Variants in LRAT observed in about 807,000 individuals in gnomAD.
LRAT encodes the protein lecithin retinol acyltransferase (phosphatidylcholine--retinol O-acyltransferase).
LRAT carries 11 observed loss-of-function variants against 14.2 expected under a neutral mutation model. That is an observed-to-expected ratio of 0.78 (90% CI 0.49 to 1.29). LRAT has a LOEUF of 1.29. Ranked by LOEUF, LRAT falls within the 50% of genes most tolerant of loss-of-function variation. LRAT has a pLI of 0.00. For synonymous variants in LRAT, 144 were observed against 124.8 expected, an observed-to-expected ratio of 1.15 and a Z score of -1.03; for missense variants, 274 against 292.4, an observed-to-expected ratio of 0.94 and a Z score of 0.46.
rs886059161 is a variant in LRAT at position 154,744,229 on chromosome 4, A to C, written c.-2+7A>C. 194 of 1,258,280 alleles carry C rather than the reference A, an allele frequency of 1.5e-4. No individual in the cohort carries two copies. Among genetic ancestry groups the C allele is most frequent in the Non-Finnish European group, 4.3e-5 (37 of 868,736 alleles). The allele number at this position is 1,258,280 out of a possible 1,614,324, so 77.9% of individuals were successfully genotyped here. A position where few individuals can be genotyped will look rare whatever the true frequency, so the allele number is the denominator to read the frequency against. On this transcript the variant is annotated splice_region_variant and intron_variant, in intron 1 of 2. Coordinates refer to ENST00000336356, the MANE Select transcript of LRAT (RefSeq NM_004744.5). The stretch of plus-strand genomic sequence containing the variant: ...TACCTCACCTGGCCTGCAGGTGAGC[A>C]GCAGCGCAGCACCCCTGCCCGGCGA...
chr4:154,742,950 G>T (rs189949748), upstream of LRAT, among the ~76,000 whole-genome samples: 45 of 152,300 alleles, frequency 3.0e-4, no homozygotes, highest in African/African-American at 1.1e-3. Context: ...TGAAGCCGGA[G>T]AAATAAACTT....
At position 154,744,137 on chromosome 4, in the gene LRAT, A is replaced by C. The variant is rs1356654938; in HGVS notation, c.-87A>C. 4.8e-6 allele frequency: 3 copies of C among 626,608 alleles called. No homozygotes were observed. The African/African-American group carries it at 5.5e-5, about 11-fold the overall frequency. The allele number at this position is 626,608 out of a possible 1,614,324, so 38.8% of individuals were successfully genotyped here. ...CTCATTCCCCATTGTGGCTTGGCTG[A>C]GCCGGTCGCCAGGCCTCGCTGTCCT... On this transcript the variant is annotated 5_prime_UTR_variant, in exon 1 of 3. Transcript: ENST00000336356.
At chr4:154,746,156 CTTG>C (rs2111035223) in intron 2 of LRAT, among the ~76,000 whole-genome samples, 1 of 152,252 alleles carries the variant, frequency 6.6e-6, no homozygotes, top group Non-Finnish European at 1.5e-5. Context: ...CTTCATTGCA[CTTG>C]TTAAAGAAGT....
At chr4:154,743,979 C>G (rs1026550436), upstream of LRAT, 1 of 244,778 alleles carries the variant, frequency 4.1e-6, no homozygotes, top group Non-Finnish European at 8.0e-6. Flanking sequence ...CATAAAAAGT[C>G]GCAGCGAAGC....
rs1733003429 is a variant in LRAT, at chr4:154,751,807, G to A, written c.*2671G>A. 1 of 148,950 alleles carries A rather than the reference G, an allele frequency of 6.7e-6. No individual in the cohort carries two copies. Among genetic ancestry groups the A allele is most frequent in the Non-Finnish European group, 1.5e-5 (1 of 67,582 alleles). 9.2% of individuals were successfully genotyped at this position (148,950 alleles called of 1,614,324 possible). On this transcript the variant is annotated 3_prime_UTR_variant, in exon 3 of 3. Coordinates refer to ENST00000336356, the MANE Select transcript of LRAT (RefSeq NM_004744.5). ...CCATTAATGTGTCTCGTAACTTGAG[G>A]AAGTTCATGAATTCTCTGGGCTTCA...
Position 154,750,211 on chromosome 4 carries a change from A to G in LRAT, c.*1075A>G, listed in dbSNP as rs1732964777. 6.6e-6 allele frequency: 1 copy of G among 152,116 alleles called. No individual in the cohort carries two copies. Among genetic ancestry groups the G allele is most frequent in the African/African-American group, 2.4e-5 (1 of 41,444 alleles). 9.4% of individuals were successfully genotyped at this position (152,116 alleles called of 1,614,324 possible). On this transcript the variant is annotated 3_prime_UTR_variant, in exon 3 of 3. Coordinates refer to ENST00000336356, the MANE Select transcript of LRAT (RefSeq NM_004744.5). ...ACTTTTTTCCATATCATTTCTAATT[A>G]TAGTTTATATCCTTAAAAGAAGGAT...
At chr4:154,748,532 G>A (rs1732925481) in intron 2 of LRAT, 1 of 343,042 alleles carries the variant, frequency 2.9e-6, no homozygotes, top group African/African-American at 2.2e-5. Flanking sequence ...TTATAAAAAA[G>A]TTATCATTGG....
chr4:154,741,819 T>C (rs1732773269), upstream of LRAT, among the ~76,000 whole-genome samples: 1 of 152,340 alleles, frequency 6.6e-6, no homozygotes, highest in South Asian at 2.1e-4. Flanking sequence ...AGAATTCATA[T>C]ATATGTATAT....
At position 154,750,022 on chromosome 4, in the gene LRAT, T is replaced by C. The variant is rs1363721314; in HGVS notation, c.*886T>C. The C allele has an allele frequency of 6.6e-6, 1 of 152,202 alleles. No homozygotes were observed. Among genetic ancestry groups the C allele is most frequent in the Non-Finnish European group, 1.5e-5 (1 of 68,004 alleles). 9.4% of individuals were successfully genotyped at this position (152,202 alleles called of 1,614,324 possible). Reference sequence around the variant, plus strand: ...TATCATCATACTAGTGTGTTCATTATAGAGTATCTGTAGAGGTGAATGTAA... The same window carrying C: ...TATCATCATACTAGTGTGTTCATTACAGAGTATCTGTAGAGGTGAATGTAA... On this transcript the variant is annotated 3_prime_UTR_variant, in exon 3 of 3. Coordinates refer to ENST00000336356, the MANE Select transcript of LRAT (RefSeq NM_004744.5).
chr4:154,746,822 G>C (rs1732891996), intron 2 of LRAT, among the ~76,000 whole-genome samples: 1 of 152,288 alleles, frequency 6.6e-6, no homozygotes, highest in East Asian at 1.9e-4. Flanking sequence ...CAGAAGTAGA[G>C]AAGTGTTTTA....
chr4:154,749,706 T>C lies in LRAT; in HGVS notation c.*570T>C, dbSNP rs1732952074. The C allele has an allele frequency of 6.6e-6, 1 of 152,606 alleles. No homozygotes were observed. The highest frequency in any genetic ancestry group is 1.5e-5 in the Non-Finnish European group (1 of 68,382). The allele number at this position is 152,606 out of a possible 1,614,324, so 9.5% of individuals were successfully genotyped here. ...ATTATGTGAAACCAATATTGGCAAA[T>C]AGTACTTTAATGATGAAGTAAATGA... On this transcript the variant is annotated 3_prime_UTR_variant, in exon 3 of 3. Transcript: ENST00000336356.
chr4:154,744,035 C>T lies in LRAT; in HGVS notation c.-189C>T, dbSNP rs938029402. The T allele has an allele frequency of 5.7e-5, 27 of 474,338 alleles. No homozygotes were observed. The highest frequency in any genetic ancestry group is 2.9e-4 in the African/African-American group (15 of 51,024). The allele number at this position is 474,338 out of a possible 1,614,324, so 29.4% of individuals were successfully genotyped here. A position where few individuals can be genotyped will look rare whatever the true frequency, so the allele number is the denominator to read the frequency against. On this transcript the variant is annotated 5_prime_UTR_variant, in exon 1 of 3. Coordinates refer to ENST00000336356, the MANE Select transcript of LRAT (RefSeq NM_004744.5). ...CGCGGCCCTGCCCCCGGCACGGCCC[C>T]CAGGTGCGCTCCTTCTCCGGCTGCT... is the stretch of plus-strand genomic sequence containing the variant.
chr4:154,749,724 G>A lies in LRAT; in HGVS notation c.*588G>A. On this transcript the variant is annotated 3_prime_UTR_variant, in exon 3 of 3. Coordinates refer to ENST00000336356, the MANE Select transcript of LRAT (RefSeq NM_004744.5). ...TGGCAAATAGTACTTTAATGATGAA[G>A]TAAATGACCAGAAATTATAGAAATC... 1 of 152,300 alleles carries A rather than the reference G, an allele frequency of 6.6e-6. No homozygotes were observed. The highest frequency in any genetic ancestry group is 1.5e-5 in the Non-Finnish European group (1 of 68,188). 9.4% of individuals were successfully genotyped at this position (152,300 alleles called of 1,614,324 possible).
intron 2 of LRAT, among the ~76,000 whole-genome samples, chr4:154,746,708 C>T (rs1177446028): frequency 6.6e-6 from 1 of 152,164 alleles, no homozygotes; most frequent in Non-Finnish European, 1.5e-5. Flanking sequence ...TATATTTCTA[C>T]AGAAAAACAG....
chr4:154,744,498 C>A lies in LRAT; in HGVS notation c.172C>A (p.Leu58Met). ...CGTGCTGGAGGTGCCCCGGACCCAC[C>A]TGACCCACTATGGCATCTACCTAGG... ...GDVLEVPRTHLTHYGIYLGDN... is the reference protein window; with the variant it reads ...GDVLEVPRTHMTHYGIYLGDN... Residue 58 changes from leucine (L) to methionine (M), a missense_variant, in exon 2 of 3, where the codon CTG becomes ATG. By Grantham distance (15) the Leu-to-Met change is conservative. Coordinates refer to ENST00000336356, the MANE Select transcript of LRAT (RefSeq NM_004744.5). 1 of 1,614,142 alleles carries A rather than the reference C, an allele frequency of 6.2e-7. No homozygotes were observed.
In LRAT at chr4:154,744,519, C is replaced by G; in HGVS notation, c.193C>G (p.Leu65Val). Reference sequence around the variant, plus strand: ...CCACCTGACCCACTATGGCATCTACCTAGGAGACAACCGTGTTGCCCACAT... The same window carrying G: ...CCACCTGACCCACTATGGCATCTACGTAGGAGACAACCGTGTTGCCCACAT... ...RTHLTHYGIYLGDNRVAHMMP... is the reference protein window; with the variant it reads ...RTHLTHYGIYVGDNRVAHMMP... Residue 65 changes from leucine (L) to valine (V), a missense_variant, in exon 2 of 3, where the codon CTA becomes GTA. Coordinates refer to ENST00000336356, the MANE Select transcript of LRAT (RefSeq NM_004744.5). The G allele has an allele frequency of 1.2e-6, 2 of 1,614,142 alleles. No homozygotes were observed. The highest frequency in any genetic ancestry group is 1.7e-6 in the Non-Finnish European group (2 of 1,180,022).
chr4:154,749,675 A>G lies in LRAT; in HGVS notation c.*539A>G, dbSNP rs1469379604. On this transcript the variant is annotated 3_prime_UTR_variant, in exon 3 of 3. Transcript: ENST00000336356. ...GTAGTATATAAGTCAAGAATGTTTT[A>G]TTGTCATTATGTGAAACCAATATTG... 3 of 153,284 alleles carry G rather than the reference A, an allele frequency of 2.0e-5. No homozygotes were observed. The highest frequency in any genetic ancestry group is 7.2e-5 in the African/African-American group (3 of 41,464). The allele number at this position is 153,284 out of a possible 1,614,324, so 9.5% of individuals were successfully genotyped here.
upstream of LRAT, among the ~76,000 whole-genome samples, chr4:154,743,125 A>ACCCCCCCCCCCCCCCCCCCCCCCCCCCCC (rs59844353): frequency 1.7e-4 from 3 of 17,832 alleles, no homozygotes; most frequent in African/African-American, 4.5e-4. Flanking sequence ...GACCCCCCCA[A>ACCCCCCCCCCCCCCCCCCCCCCCCCCCCC]CCCCCCCCCC....
At chr4:154,748,159 T>A in intron 2 of LRAT, 2 of 889,552 alleles carry the variant, frequency 2.2e-6, no homozygotes, top group Non-Finnish European at 2.7e-6. Context: ...GTACTAATAA[T>A]AATCACTGTA....
Sources: gnomAD v4.1 joint callset for allele counts (sites outside exome capture counted in the v4.1 genomes callset) on GRCh38, gnomAD v4.1.1 for gene constraint, MANE v1.5 for transcripts, NCBI Gene and HGNC (gene_info 2026-07-23, HGNC 2026-07-21) for gene names.